Variants in FTL observed in about 807,000 individuals in gnomAD.
The protein encoded by FTL is ferritin light chain, also known as epididymis secretory sperm binding protein.
FTL carries 17 observed loss-of-function variants against 16.6 expected under a neutral mutation model. That is an observed-to-expected ratio of 1.02 (90% CI 0.70 to 1.53). The LOEUF is 1.53. FTL is among the 40% of genes most tolerant of loss of function. FTL has a pLI of 0.00. For synonymous variants in FTL, 73 were observed against 89.9 expected, an observed-to-expected ratio of 0.81 and a Z score of 1.06; for missense variants, 186 against 226.1, an observed-to-expected ratio of 0.82 and a Z score of 1.14.
rs2038444842 is a variant in FTL, at chr19:48,965,769, G to A, written c.103-1G>A. On this transcript the variant is annotated splice_acceptor_variant, in intron 1 of 3. Coordinates refer to ENST00000331825, the MANE Select transcript of FTL (RefSeq NM_000146.4). LOFTEE classifies it high-confidence loss of function. ...ATTGTTGCCTCCATCTCTTCCCGTA[G>A]GGCTTCTATTTCGACCGCGATGATG... 10 of 1,614,130 alleles carry A rather than the reference G, an allele frequency of 6.2e-6. No homozygotes were observed. Among genetic ancestry groups the A allele is most frequent in the Non-Finnish European group, 7.6e-6 (9 of 1,180,028 alleles).
In FTL at chr19:48,966,696, C is replaced by A; in HGVS notation, c.489C>A (p.Gly163=). Residue 163 remains glycine (G), a synonymous_variant, in exon 4 of 4, where the codon GGC becomes GGA. Transcript: ENST00000331825. The part of the protein sequence containing the change: ...HRLGGPEAGL[G]EYLFERLTLK... ...TGGGTGGCCCGGAGGCTGGGCTGGG[C>A]GAGTATCTCTTCGAAAGGCTCACTC... 1.2e-6 allele frequency: 2 copies of A among 1,613,628 alleles called. No individual in the cohort carries two copies. The highest frequency in any genetic ancestry group is 2.2e-5 in the South Asian group (2 of 91,052).
In FTL at chr19:48,966,694, G is replaced by A. The variant is rs2038460827; in HGVS notation, c.487G>A (p.Gly163Ser). The A allele has an allele frequency of 1.9e-6, 3 of 1,613,582 alleles. No homozygotes were observed. Among genetic ancestry groups the A allele is most frequent in the Admixed American group, 1.7e-5 (1 of 59,984 alleles). The change falls in exon 4 of 4, where the codon GGC becomes AGC. Residue 163 changes from glycine (G) to serine (S), a missense_variant. Gly to Ser is a moderately conservative substitution (Grantham distance 56). Coordinates refer to ENST00000331825, the MANE Select transcript of FTL (RefSeq NM_000146.4). ...GCTGGGTGGCCCGGAGGCTGGGCTG[G>A]GCGAGTATCTCTTCGAAAGGCTCAC... ...HRLGGPEAGL[G>S]EYLFERLTLK...
At chr19:48,966,089 C>A in intron 2 of FTL, 173 bp downstream of exon 2, 1 of 1,170,880 alleles carries the variant, frequency 8.5e-7, no homozygotes. Flanking sequence ...CAACACGCGG[C>A]AGTCCACACC....
intron 1 of FTL, 38 bp from the exon 2 acceptor site, chr19:48,965,732 C>T (rs754895931): frequency 2.5e-5 from 40 of 1,613,940 alleles, no homozygotes; most frequent in Non-Finnish European, 3.2e-5. Context: ...TTGGCCTCGC[C>T]TCCCGCTAAC....
Position 48,966,393 on chromosome 19 carries a change from G to A in FTL, c.362G>A (p.Arg121His), listed in dbSNP as rs769449169. The A allele has an allele frequency of 8.1e-6, 13 of 1,613,896 alleles. No individual in the cohort carries two copies. Among genetic ancestry groups the A allele is most frequent in the Middle Eastern group, 1.6e-4 (1 of 6,084 alleles). The part of the protein sequence containing the change: ...LLDLHALGSA[R>H]TDPHLCDFLE... ...GATCTTCATGCCCTGGGTTCTGCCC[G>A]CACGGACCCCCATGTACGTACCCGC... is the stretch of plus-strand genomic sequence containing the variant. Residue 121 changes from arginine to histidine, a missense_variant, in exon 3 of 4, where the codon CGC becomes CAC. By Grantham distance (29) the Arg-to-His change is conservative. Coordinates refer to ENST00000331825, the MANE Select transcript of FTL (RefSeq NM_000146.4).
At chr19:48,966,533 C>T (rs2122435223) in intron 3 of FTL, 50 bp from the exon 4 acceptor site, 2 of 1,612,352 alleles carry the variant, frequency 1.2e-6, no homozygotes, top group Non-Finnish European at 1.7e-6. Context: ...CTGCTCTCTC[C>T]CCCTCTTTTC....
intron 1 of FTL, 40 bp from the exon 2 acceptor site, chr19:48,965,730 G>A (rs751118026): frequency 1.2e-6 from 2 of 1,613,814 alleles, no homozygotes. Context: ...CCTTGGCCTC[G>A]CCTCCCGCTA....
At position 48,965,833 on chromosome 19, in the gene FTL, G is replaced by A. The variant is rs529012958; in HGVS notation, c.166G>A (p.Ala56Thr). 1.9e-6 allele frequency: 3 copies of A among 1,614,206 alleles called. No individual in the cohort carries two copies. The highest frequency in any genetic ancestry group is 3.3e-5 in the Admixed American group (2 of 60,018). The change falls in exon 2 of 4, where the codon GCC (alanine) becomes ACC (threonine). Residue 56 changes from alanine (A) to threonine (T), a missense_variant. Transcript: ENST00000331825. Reference protein sequence around the residue: ...EGVSHFFRELAEEKREGYERL... With the variant: ...EGVSHFFRELTEEKREGYERL... ...CGTGAGCCACTTCTTCCGCGAATTG[G>A]CCGAGGAGAAGCGCGAGGGCTACGA... is the stretch of plus-strand genomic sequence containing the variant.
chr19:48,966,083 A>G, intron 2 of FTL, 167 bp downstream of exon 2: 2 of 1,187,794 alleles, frequency 1.7e-6, no homozygotes, highest in Non-Finnish European at 1.2e-6. Context: ...TGCCCACAAC[A>G]CGCGGCAGTC....
Position 48,965,328 on chromosome 19 carries a change from G to A in FTL, c.-180G>A. ...CCCCTCGCAGTTCGGCGGTCCCGCGGGTCTGTCTCTTGCTTCAACAGTGTT... is the reference window on the plus strand; with the variant it reads ...CCCCTCGCAGTTCGGCGGTCCCGCGAGTCTGTCTCTTGCTTCAACAGTGTT... On this transcript the variant is annotated 5_prime_UTR_variant, in exon 1 of 4. Coordinates refer to ENST00000331825, the MANE Select transcript of FTL (RefSeq NM_000146.4). The A allele has an allele frequency of 1.5e-6, 1 of 645,938 alleles. No homozygotes were observed. The highest frequency in any genetic ancestry group is 2.8e-5 in the East Asian group (1 of 35,200). 40.0% of individuals were successfully genotyped at this position (645,938 alleles called of 1,614,324 possible).
chr19:48,966,608 TC>T lies in FTL; in HGVS notation c.403del (p.Leu135Ter). ...PHLCDFLETH[F>X]LDEEVKLIKK... is the part of the protein sequence containing the mutation. ...CTCTGTGACTTCCTGGAGACTCACT[TC>T]CTAGATGAGGAAGTGAAGCTTATCA... is the stretch of plus-strand genomic sequence containing the variant. On this transcript the variant is annotated frameshift_variant, in exon 4 of 4. Coordinates refer to ENST00000331825, the MANE Select transcript of FTL (RefSeq NM_000146.4). 1 of 1,614,116 alleles carries T rather than the reference TC, an allele frequency of 6.2e-7. No homozygotes were observed.
In FTL at chr19:48,966,619, G is replaced by A; in HGVS notation, c.412G>A (p.Glu138Lys). Residue 138 changes from glutamate (E) to lysine (K), a missense_variant, in exon 4 of 4, where the codon GAA becomes AAA. By Grantham distance (56) the Glu-to-Lys change is moderately conservative. Transcript: ENST00000331825. Reference protein sequence around the residue: ...DFLETHFLDEEVKLIKKMGDH... With the variant: ...DFLETHFLDEKVKLIKKMGDH... ...CCTGGAGACTCACTTCCTAGATGAG[G>A]AAGTGAAGCTTATCAAGAAGATGGG... is the stretch of plus-strand genomic sequence containing the variant. 6.2e-7 allele frequency: 1 copy of A among 1,614,082 alleles called. No homozygotes were observed. Among genetic ancestry groups the A allele is most frequent in the Non-Finnish European group, 8.5e-7 (1 of 1,179,992 alleles).
At chr19:48,966,173 CAT>C (rs938642326) in intron 2 of FTL, 106 bp from the exon 3 acceptor site, 90 of 1,498,920 alleles carry the variant, frequency 6.0e-5, no homozygotes, top group African/African-American at 5.6e-4. Context: ...CAAGCTGTCA[CAT>C]GTCTTTGTGG....
intron 1 of FTL, 68 bp downstream of exon 1, chr19:48,965,677 G>T (rs1195580020): frequency 1.9e-6 from 3 of 1,604,544 alleles, no homozygotes; most frequent in East Asian, 4.5e-5. Context: ...CACTGCACGC[G>T]CCAGCCTTCT....
chr19:48,966,720 T>C lies in FTL; in HGVS notation c.513T>C (p.Thr171=), dbSNP rs2038461489. ...GCGAGTATCTCTTCGAAAGGCTCAC[T>C]CTCAAGCACGACTAAGAGCCTTCTG... ...GLGEYLFERL[T]LKHD The change falls in exon 4 of 4, where the codon ACT becomes ACC. Residue 171 remains threonine (T), a synonymous_variant. Transcript: ENST00000331825. 1.2e-6 allele frequency: 2 copies of C among 1,613,148 alleles called. No individual in the cohort carries two copies. The highest frequency in any genetic ancestry group is 1.7e-6 in the Non-Finnish European group (2 of 1,179,926).
chr19:48,966,280 G>A lies in FTL; in HGVS notation c.250-1G>A. The A allele has an allele frequency of 6.2e-7, 1 of 1,613,984 alleles. No homozygotes were observed. The highest frequency in any genetic ancestry group is 8.5e-7 in the Non-Finnish European group (1 of 1,180,016). ...CTGAGCCATTTCTCCCTTCTATATAGAAGCCAGCTGAAGATGAGTGGGGTA... is the reference window on the plus strand; with the variant it reads ...CTGAGCCATTTCTCCCTTCTATATAAAAGCCAGCTGAAGATGAGTGGGGTA... On this transcript the variant is annotated splice_acceptor_variant, in intron 2 of 3. Coordinates refer to ENST00000331825, the MANE Select transcript of FTL (RefSeq NM_000146.4). LOFTEE classifies it high-confidence loss of function.
At position 48,966,734 on chromosome 19, in the gene FTL, A is replaced by G. The variant is rs900999430; in HGVS notation, c.527A>G (p.Ter176=). The part of the protein sequence containing the change: ...LFERLTLKHD[*] The stretch of plus-strand genomic sequence containing the variant: ...GAAAGGCTCACTCTCAAGCACGACT[A>G]AGAGCCTTCTGAGCCCAGCGACTTC... The change falls in exon 4 of 4, where the codon TAA becomes TGA. Residue 176 remains the stop codon, a stop_retained_variant. Transcript: ENST00000331825. 6.2e-6 allele frequency: 10 copies of G among 1,612,810 alleles called. No homozygotes were observed. Among genetic ancestry groups the G allele is most frequent in the Non-Finnish European group, 7.6e-6 (9 of 1,179,908 alleles).
At chr19:48,966,082 C>T (rs2038450352) in intron 2 of FTL, 166 bp downstream of exon 2, 1 of 1,186,684 alleles carries the variant, frequency 8.4e-7, no homozygotes, top group African/African-American at 1.5e-5. Context: ...GTGCCCACAA[C>T]ACGCGGCAGT....
In FTL at chr19:48,966,303, GTAAAACCCCAGACGCCA is replaced by G; in HGVS notation, c.274_290del (p.Lys92GlufsTer31). 2 of 1,614,116 alleles carry G rather than the reference GTAAAACCCCAGACGCCA, an allele frequency of 1.2e-6. No individual in the cohort carries two copies. The highest frequency in any genetic ancestry group is 1.7e-6 in the Non-Finnish European group (2 of 1,180,004). ...TAGAAGCCAGCTGAAGATGAGTGGG[GTAAAACCCCAGACGCCA>G]TGAAAGCTGCCATGGCCCTGGAGAA... On this transcript the variant is annotated frameshift_variant, in exon 3 of 4. Transcript: ENST00000331825.
Sources: allele counts gnomAD v4.1 joint callset, GRCh38; gene constraint gnomAD v4.1.1; transcripts MANE v1.5; gene names NCBI Gene and HGNC (gene_info 2026-07-23, HGNC 2026-07-21).